Variants in CNTNAP2 observed in about 807,000 individuals in gnomAD.
CNTNAP2 encodes the protein contactin associated protein 2, also known as contactin-associated protein-like 2.
In CNTNAP2, 98 loss-of-function variants were observed where a neutral mutation model predicts 155.2. The observed-to-expected ratio is 0.63, with a 90% CI of 0.54 to 0.75. The LOEUF (loss-of-function observed/expected upper bound fraction) is 0.75. Among genes scored for constraint, CNTNAP2 ranks in the 30% least tolerant of loss-of-function variants. CNTNAP2 has a pLI of 0.00. For missense variants in CNTNAP2, 1,727 were observed against 1,688.1 expected (o/e 1.02, Z -0.40); for synonymous variants, 651 against 631.2 (o/e 1.03, Z -0.47).
At chr7:146,605,812 T>C (rs1799037376) in intron 1 of CNTNAP2, among the ~76,000 whole-genome samples, 1 of 152,156 alleles carries the variant, frequency 6.6e-6, no homozygotes, top group African/African-American at 2.4e-5. Flanking sequence ...ACTAGGCAGA[T>C]AGTAGATGAT....
chr7:146,605,220 C>T (rs1413199437), intron 1 of CNTNAP2, among the ~76,000 whole-genome samples: 1 of 150,980 alleles, frequency 6.6e-6, no homozygotes, highest in Non-Finnish European at 1.5e-5. Flanking sequence ...TTATTGTATT[C>T]ATTTCACTGT....
chr7:147,120,957 T>C (rs1157676391), intron 5 of CNTNAP2, 22 bp from the exon 6 acceptor site: 5 of 1,611,906 alleles, frequency 3.1e-6, no homozygotes, highest in Non-Finnish European at 4.2e-6. Context: ...GCATTGTTTC[T>C]TTTTCACTTC....
At chr7:148,049,812 T>C (rs1419969397) in intron 15 of CNTNAP2, among the ~76,000 whole-genome samples, 1 of 152,240 alleles carries the variant, frequency 6.6e-6, no homozygotes, top group African/African-American at 2.4e-5. Context: ...GTATTTGCTA[T>C]ATTATATTAT....
chr7:147,872,749 A>T (rs1799349894), intron 13 of CNTNAP2, among the ~76,000 whole-genome samples: 1 of 152,246 alleles, frequency 6.6e-6, no homozygotes. Context: ...GGCGTAGATT[A>T]CTTCCTCAAT....
chr7:147,413,937 T>C (rs1364212441), intron 10 of CNTNAP2, among the ~76,000 whole-genome samples: 3 of 152,154 alleles, frequency 2.0e-5, no homozygotes, highest in Non-Finnish European at 4.4e-5. Context: ...AATAAAGTAA[T>C]GGGGATGATG....
chr7:147,341,769 T>TACACACACAC (rs35486619), intron 9 of CNTNAP2, among the ~76,000 whole-genome samples: 1 of 147,422 alleles, frequency 6.8e-6, no homozygotes, highest in African/African-American at 2.5e-5. Context: ...CACATACACA[T>TACACACACAC]ACACACACAC....
intron 15 of CNTNAP2, among the ~76,000 whole-genome samples, chr7:148,102,981 A>G (rs1804134282): frequency 6.6e-6 from 1 of 152,194 alleles, no homozygotes. Flanking sequence ...AACATATGTA[A>G]GATATACATT....
In CNTNAP2 at chr7:146,155,846, C is replaced by T. The variant is rs1435063203; in HGVS notation, c.97+38873C>T. On this transcript the variant is annotated intron_variant, in intron 1 of 23. Transcript: ENST00000361727. The stretch of plus-strand genomic sequence containing the variant: ...TCCCAAGTAGCTGGGATTACAGGTG[C>T]CCACCACCATGCCTGACTAATTTTT... Among the ~76,000 whole-genome samples the T allele has an allele frequency of 1.1e-4, 17 of 151,756 alleles. 1 individual carries two copies.
chr7:146,461,930 A>T (rs895046138), intron 1 of CNTNAP2, among the ~76,000 whole-genome samples: 1 of 152,118 alleles, frequency 6.6e-6, no homozygotes, highest in Non-Finnish European at 1.5e-5. Flanking sequence ...AAGATAAAAT[A>T]TTTTCTTGTT....
rs915389304 is a variant in CNTNAP2 at position 147,739,286 on chromosome 7, G to A, written c.2098+99980G>A. On this transcript the variant is annotated intron_variant, in intron 13 of 23. Coordinates refer to ENST00000361727, the MANE Select transcript of CNTNAP2 (RefSeq NM_014141.6). ...CTTTTATTATCATTATTGTGTATGT[G>A]TGTGTTTGTGTGTGTTCACTGTTAA... is the stretch of plus-strand genomic sequence containing the variant. 5.9e-5 allele frequency among the ~76,000 whole-genome samples: 9 copies of A among 152,014 alleles called. No individual in the cohort carries two copies. In the East Asian group the frequency reaches 1.4e-3, roughly 23 times the overall value.
intron 13 of CNTNAP2, among the ~76,000 whole-genome samples, chr7:147,716,616 C>T (rs1422826909): frequency 6.6e-6 from 1 of 152,144 alleles, no homozygotes; most frequent in African/African-American, 2.4e-5. Flanking sequence ...GCCTGGCCCC[C>T]AGGTAGCCCT....
intron 11 of CNTNAP2, among the ~76,000 whole-genome samples, chr7:147,532,056 C>T (rs958151291): frequency 2.0e-5 from 3 of 152,140 alleles, no homozygotes; most frequent in Non-Finnish European, 4.4e-5. Context: ...ATCTGCCCGC[C>T]TCGGCCTCCC....
intron 1 of CNTNAP2, among the ~76,000 whole-genome samples, chr7:146,760,703 G>A (rs1285967590): frequency 6.6e-6 from 1 of 151,798 alleles, no homozygotes. Flanking sequence ...GTGATTACAG[G>A]TGTGAGCCAC....
At chr7:146,898,446 G>A (rs1252865814) in intron 3 of CNTNAP2, among the ~76,000 whole-genome samples, 1 of 151,260 alleles carries the variant, frequency 6.6e-6, no homozygotes, top group Admixed American at 6.6e-5. Context: ...TTAAATGAGA[G>A]TTTCAACCAC....
intron 4 of CNTNAP2, among the ~76,000 whole-genome samples, chr7:147,045,765 A>T (rs1376260414): frequency 6.6e-6 from 1 of 152,140 alleles, no homozygotes; most frequent in Non-Finnish European, 1.5e-5. Context: ...TGACCATCAC[A>T]AATTTTGTTA....
chr7:147,926,416 A>G (rs1379611888), intron 14 of CNTNAP2, among the ~76,000 whole-genome samples: 2 of 152,256 alleles, frequency 1.3e-5, no homozygotes, highest in Non-Finnish European at 2.9e-5. Context: ...GGTACATTCT[A>G]TAAAACTGTC....
At position 146,774,381 on chromosome 7, in the gene CNTNAP2, G is replaced by T; in HGVS notation, c.208G>T (p.Gly70Cys). 2 of 1,609,122 alleles carry T rather than the reference G, an allele frequency of 1.2e-6. No individual in the cohort carries two copies. The highest frequency in any genetic ancestry group is 1.7e-6 in the Non-Finnish European group (2 of 1,175,934). The change falls in exon 2 of 24, where the codon GGT (glycine) becomes TGT (cysteine). Residue 70 changes from glycine to cysteine, a missense_variant and splice_region_variant. By Grantham distance (159) the Gly-to-Cys change is radical. Transcript: ENST00000361727. ...CTATGCCAAGATAAACAAGAGAGGA[G>T]GTAAGCCAAATTTTGATTCTTTTAT... Reference protein sequence around the residue: ...PGYAKINKRGGAGGWSPSDSD... With the variant: ...PGYAKINKRGCAGGWSPSDSD...
chr7:147,712,706 G>A (rs1405187976), intron 13 of CNTNAP2, among the ~76,000 whole-genome samples: 5 of 152,098 alleles, frequency 3.3e-5, no homozygotes, highest in Non-Finnish European at 7.4e-5. Flanking sequence ...AGAACACTTG[G>A]ACACAGGAAG....
At chr7:148,271,566 C>A (rs956395267) in intron 21 of CNTNAP2, among the ~76,000 whole-genome samples, 1 of 152,212 alleles carries the variant, frequency 6.6e-6, no homozygotes, top group Non-Finnish European at 1.5e-5. Context: ...CCTGATGACA[C>A]CTGCACCTTC....
Sources: gnomAD v4.1 joint callset for allele counts (sites outside exome capture counted in the v4.1 genomes callset) on GRCh38, gnomAD v4.1.1 for gene constraint, MANE v1.5 for transcripts, NCBI Gene and HGNC (gene_info 2026-07-23, HGNC 2026-07-21) for gene names.